The following SPATA6L variants were observed in gnomAD, a reference collection of about 807,000 sequenced individuals.
SPATA6L encodes the protein spermatogenesis associated 6 like.
In SPATA6L, 68 loss-of-function variants were observed where a neutral mutation model predicts 49.2. The observed-to-expected ratio is 1.38, with a 90% confidence interval of 1.14 to 1.69. SPATA6L has a LOEUF of 1.69. Among genes scored for constraint, SPATA6L ranks in the 40% most tolerant of loss-of-function variants. The pLI is 0.00. For missense variants in SPATA6L, 668 were observed against 464.3 expected (o/e 1.44, Z -4.03); for synonymous variants, 198 against 165.7 (o/e 1.19, Z -1.50).
At chr9:4,610,808 C>A (rs35421170) in intron 9 of SPATA6L, among the ~76,000 whole-genome samples, 11 of 152,076 alleles carry the variant, frequency 7.2e-5, no homozygotes, top group East Asian at 3.9e-4. Context: ...GGATCTAATT[C>A]AACTAAACAG....
chr9:4,655,709 C>T (rs537885155), intron 3 of SPATA6L, among the ~76,000 whole-genome samples: 19 of 152,086 alleles, frequency 1.2e-4, no homozygotes, highest in African/African-American at 3.6e-4. Context: ...CCACCACATC[C>T]GGCTAATTTT....
At chr9:4,632,800 G>A (rs977053880) in intron 4 of SPATA6L, among the ~76,000 whole-genome samples, 1 of 152,062 alleles carries the variant, frequency 6.6e-6, no homozygotes, top group Non-Finnish European at 1.5e-5. Flanking sequence ...ATGTCTTTCT[G>A]AAATTGTCTA....
chr9:4,605,386 A>G lies in SPATA6L; in HGVS notation c.1050T>C (p.Ser350=). ...TWKNIHERVC[S]LLTSHRAQLH... ...GCTGTGCTCTGTGGGATGTCAGAAG[A>G]CTGCATACCCTCTCATGGATATTCT... Residue 350 remains serine (S), a synonymous_variant, in exon 10 of 12, where the codon AGT becomes AGC. Transcript: ENST00000682582. The G allele has an allele frequency of 6.2e-7, 1 of 1,614,194 alleles. No individual in the cohort carries two copies. Among genetic ancestry groups the G allele is most frequent in the South Asian group, 1.1e-5 (1 of 91,088 alleles).
intron 3 of SPATA6L, among the ~76,000 whole-genome samples, chr9:4,644,148 A>G (rs558939544): frequency 7.8e-6 from 1 of 128,188 alleles, no homozygotes; most frequent in East Asian, 2.7e-4. Flanking sequence ...GGAGTTTGAG[A>G]CCAGCCTAGG....
At chr9:4,649,442 T>C (rs987126241) in intron 3 of SPATA6L, among the ~76,000 whole-genome samples, 6 of 152,232 alleles carry the variant, frequency 3.9e-5, no homozygotes, top group Admixed American at 1.3e-4. Flanking sequence ...ATATAGTCAA[T>C]TAATTCTCAT....
Position 4,618,911 on chromosome 9 carries a change from G to C in SPATA6L, c.773-13C>G. On this transcript the variant is annotated splice_polypyrimidine_tract_variant and intron_variant, in intron 7 of 11. Transcript: ENST00000682582. The stretch of plus-strand genomic sequence containing the variant: ...TCAAGAGAAGAAGCTAGAAGAAAGA[G>C]GAACAGGCATTTCAATGACTCATTA... The C allele has an allele frequency of 6.2e-7, 1 of 1,612,858 alleles. No individual in the cohort carries two copies. Among genetic ancestry groups the C allele is most frequent in the Non-Finnish European group, 8.5e-7 (1 of 1,179,128 alleles).
intron 13 of SPATA6L, among the ~76,000 whole-genome samples, chr9:4,592,773 T>C (rs111576458): frequency 1.1e-4 from 17 of 152,346 alleles, no homozygotes; most frequent in Middle Eastern, 3.4e-3. Flanking sequence ...GTTCTTATCA[T>C]ATCCCCCAAA....
In SPATA6L at chr9:4,625,755, GTATT is replaced by G. The variant is rs1183328517; in HGVS notation, c.430-193_430-190del. The G allele has an allele frequency of 1.4e-4, 60 of 423,710 alleles. No individual in the cohort carries two copies. The East Asian group carries it at 2.3e-3, about 16-fold the overall frequency. 26.2% of individuals were successfully genotyped at this position (423,710 alleles called of 1,614,324 possible). A position where few individuals can be genotyped will look rare whatever the true frequency, so the allele number is the denominator to read the frequency against. On this transcript the variant is annotated intron_variant, in intron 5 of 11. Coordinates refer to ENST00000682582, the MANE Select transcript of SPATA6L (RefSeq NM_001353486.2). ...TTTCCTGTTCAGTTTAACATCAGTA[GTATT>G]TATAACTTGCTAGTATAATGTATTC...
intron 3 of SPATA6L, among the ~76,000 whole-genome samples, chr9:4,641,324 A>T (rs1286571962): frequency 1.3e-5 from 2 of 152,170 alleles, no homozygotes; most frequent in African/African-American, 4.8e-5. Flanking sequence ...GAAAATATCC[A>T]TGAATGCTCA....
At chr9:4,607,868 A>T (rs1164099700) in intron 9 of SPATA6L, among the ~76,000 whole-genome samples, 3 of 150,640 alleles carry the variant, frequency 2.0e-5, no homozygotes, top group Non-Finnish European at 1.5e-5. Context: ...TAAAGAGTCA[A>T]GACCCATCAG....
intron 9 of SPATA6L, among the ~76,000 whole-genome samples, chr9:4,614,331 C>G (rs1315479053): frequency 2.0e-5 from 3 of 152,172 alleles, no homozygotes; most frequent in Non-Finnish European, 4.4e-5. Flanking sequence ...ATTTGTCTCC[C>G]AACTCATCCT....
chr9:4,605,001 T>C (rs1381759134), intron 10 of SPATA6L, among the ~76,000 whole-genome samples: 3 of 152,208 alleles, frequency 2.0e-5, no homozygotes, highest in African/African-American at 4.8e-5. Flanking sequence ...CTGGGATTCA[T>C]GTGTGCAGGG....
chr9:4,594,096 T>C (rs530214513), downstream of SPATA6L, among the ~76,000 whole-genome samples: 2 of 152,362 alleles, frequency 1.3e-5, no homozygotes, highest in Admixed American at 1.3e-4. Context: ...CTCCAACTTC[T>C]ACTGACCACT....
chr9:4,658,448 A>G (rs889002515), intron 2 of SPATA6L, among the ~76,000 whole-genome samples: 6 of 152,244 alleles, frequency 3.9e-5, no homozygotes, highest in African/African-American at 1.4e-4. Context: ...ACCAACAGGA[A>G]GAAAGGAATA....
At chr9:4,635,489 G>T (rs1307850754) in intron 3 of SPATA6L, 90 bp from the exon 4 acceptor site, 1 of 1,308,074 alleles carries the variant, frequency 7.6e-7, no homozygotes, top group Non-Finnish European at 1.0e-6. Context: ...GGCAGAGATG[G>T]CACTCAGGTA....
At chr9:4,623,316 C>A (rs370830681) in intron 6 of SPATA6L, among the ~76,000 whole-genome samples, 23 of 151,900 alleles carry the variant, frequency 1.5e-4, no homozygotes, top group East Asian at 1.4e-3. Flanking sequence ...ATAATAATAG[C>A]AACTATATTA....
chr9:4,619,259 G>A (rs1240912530), intron 7 of SPATA6L, among the ~76,000 whole-genome samples: 1 of 148,184 alleles, frequency 6.7e-6, no homozygotes, highest in East Asian at 2.0e-4. Context: ...CCAGGTTCAA[G>A]AGATTCTCTG....
At position 4,591,506 on chromosome 9, in the gene SPATA6L, C is replaced by G. The variant is rs537936374; in HGVS notation, c.*255-2545G>C. On this transcript the variant is annotated intron_variant and NMD_transcript_variant, in intron 13 of 13. Transcript: ENST00000461761. ...ATTCACGTGATAAAAGAAGGCAATA[C>G]CAGTCGGCGATAGAGGGACACTGGC... is the stretch of plus-strand genomic sequence containing the variant. Among the ~76,000 whole-genome samples, 4 of 152,310 alleles carry G rather than the reference C, an allele frequency of 2.6e-5. No homozygotes were observed. In the South Asian group the frequency reaches 8.3e-4, roughly 32 times the overall value.
Position 4,617,911 on chromosome 9 carries a change from C to G in SPATA6L, c.995+12G>C, listed in dbSNP as rs1158622896. 6.3e-7 allele frequency: 1 copy of G among 1,592,118 alleles called. No homozygotes were observed. Among genetic ancestry groups the G allele is most frequent in the East Asian group, 2.3e-5 (1 of 44,146 alleles). On this transcript the variant is annotated intron_variant, in intron 9 of 11. Transcript: ENST00000682582. ...CACTCGTCAGGCAAACAGATGGGTGCTTGCCACTGACCTTTCTCTGAGAAG... is the reference window on the plus strand; with the variant it reads ...CACTCGTCAGGCAAACAGATGGGTGGTTGCCACTGACCTTTCTCTGAGAAG...
Sources: gnomAD v4.1 joint callset for allele counts (sites outside exome capture counted in the v4.1 genomes callset) on GRCh38, gnomAD v4.1.1 for gene constraint, MANE v1.5 for transcripts, NCBI Gene and HGNC (gene_info 2026-07-23, HGNC 2026-07-21) for gene names.